Variants in ENPP6 observed in about 807,000 individuals in gnomAD.
ENPP6 encodes glycerophosphocholine cholinephosphodiesterase ENPP6.
ENPP6 carries 32 observed loss-of-function variants against 42.0 expected under a neutral mutation model. The observed-to-expected ratio is 0.76, with a 90% CI of 0.58 to 1.02. The LOEUF (loss-of-function observed/expected upper bound fraction) is 1.02, where lower values mean the gene tolerates loss of function less well. ENPP6 is among the 50% of genes least tolerant of loss of function. The pLI, the probability that ENPP6 is intolerant of heterozygous loss-of-function variation, is 0.00. For missense variants in ENPP6, 552 were observed against 566.8 expected, an observed-to-expected ratio of 0.97 and a Z score of 0.27; for synonymous variants, 213 against 216.0, an observed-to-expected ratio of 0.99 and a Z score of 0.12.
rs1418906829 is a variant in ENPP6 at position 184,210,644 on chromosome 4, T to C, written c.241+6935A>G. ...CTCCCACACATTAATAATGGGAGAC[T>C]TTAACACCCCACTGTCAACATTAGA... On this transcript the variant is annotated intron_variant, in intron 1 of 7. Coordinates refer to ENST00000296741, the MANE Select transcript of ENPP6 (RefSeq NM_153343.4). 7.1e-5 allele frequency among the ~76,000 whole-genome samples: 10 copies of C among 141,626 alleles called. No homozygotes were observed. The South Asian group carries it at 2.2e-3, about 31-fold the overall frequency. 92.9% of individuals were successfully genotyped at this position (141,626 alleles called of 152,430 possible).
chr4:184,131,250 TTCTCTTTC>T (rs1736621800), intron 2 of ENPP6, among the ~76,000 whole-genome samples: 1 of 59,044 alleles, frequency 1.7e-5, no homozygotes, highest in South Asian at 6.0e-4. Flanking sequence ...CTTTCTTTCT[TTCTCTTTC>T]TCTTCCTTCC....
At chr4:184,107,653 C>A (rs879583971) in intron 6 of ENPP6, among the ~76,000 whole-genome samples, 4 of 151,890 alleles carry the variant, frequency 2.6e-5, no homozygotes, top group East Asian at 1.9e-4. Context: ...TGGTGGCTCA[C>A]GCCTGTAATC....
chr4:184,157,435 C>CTTTCCT (rs1472961667), intron 1 of ENPP6, among the ~76,000 whole-genome samples: 21 of 139,416 alleles, frequency 1.5e-4, no homozygotes, highest in Middle Eastern at 3.7e-3. Flanking sequence ...CTTTCCTTTT[C>CTTTCCT]TTTCTTTCTT....
At chr4:184,198,422 C>G (rs775171414) in intron 1 of ENPP6, among the ~76,000 whole-genome samples, 1 of 152,222 alleles carries the variant, frequency 6.6e-6, no homozygotes, top group Non-Finnish European at 1.5e-5. Flanking sequence ...CCTTCCGAGG[C>G]TGTACACTAG....
intron 2 of ENPP6, among the ~76,000 whole-genome samples, chr4:184,130,419 G>T (rs1364098668): frequency 8.3e-6 from 1 of 121,016 alleles, no homozygotes; most frequent in Non-Finnish European, 1.8e-5. Context: ...TTAGCCGGGC[G>T]TGGTGGTGGG....
At chr4:184,187,352 T>A (rs115097236) in intron 1 of ENPP6, among the ~76,000 whole-genome samples, 3,796 of 152,256 alleles carry the variant, frequency 0.025, 155 homozygotes, top group African/African-American at 0.088. Context: ...CTGGGACCAT[T>A]GGTTGACTCT....
chr4:184,118,035 T>A, intron 3 of ENPP6, 135 bp from the exon 4 acceptor site: 1 of 1,120,792 alleles, frequency 8.9e-7, no homozygotes, highest in Non-Finnish European at 1.2e-6. Context: ...GCCAATACCC[T>A]AAAATAAATG....
At chr4:184,168,333 T>C (rs1737393094) in intron 1 of ENPP6, among the ~76,000 whole-genome samples, 2 of 152,196 alleles carry the variant, frequency 1.3e-5, no homozygotes, top group African/African-American at 4.8e-5. Flanking sequence ...AAGGCCACTT[T>C]TAAAAATGGC....
chr4:184,126,372 G>C (rs568652586), intron 2 of ENPP6, among the ~76,000 whole-genome samples: 99 of 152,260 alleles, frequency 6.5e-4, no homozygotes, highest in African/African-American at 2.2e-3. Flanking sequence ...TACAGTACAG[G>C]TAGAGGCAGT....
rs527467964 is a variant in ENPP6, at chr4:184,187,009, G to A, written c.241+30570C>T. Among the ~76,000 whole-genome samples the A allele has an allele frequency of 1.6e-4, 25 of 152,278 alleles. No homozygotes were observed. In the South Asian group the frequency reaches 4.4e-3, roughly 27 times the overall value. On this transcript the variant is annotated intron_variant, in intron 1 of 7. Transcript: ENST00000296741. ...CATTCAGGTTCTTCAAGAAGCAGAC[G>A]CCAAGACAAGGTTAAACATAAGAGA...
rs1317246817 is a variant in ENPP6 at position 184,131,220 on chromosome 4, T to TTC, written c.422-6950_422-6949dup. 2.2e-4 allele frequency among the ~76,000 whole-genome samples: 20 copies of TTC among 89,572 alleles called. 1 individual carries two copies. The highest frequency in any genetic ancestry group is 3.5e-4 in the African/African-American group (8 of 23,040). 58.8% of individuals were successfully genotyped at this position (89,572 alleles called of 152,430 possible). A position where few individuals can be genotyped will look rare whatever the true frequency, so the allele number is the denominator to read the frequency against. On this transcript the variant is annotated intron_variant, in intron 2 of 7. Transcript: ENST00000296741. The stretch of plus-strand genomic sequence containing the variant: ...TTCTTTCTTCTTTCTTTCTTTCTTT[T>TTC]TCTTTCTTTCTTTCCTTTTCTTTCT...
intron 2 of ENPP6, among the ~76,000 whole-genome samples, chr4:184,128,250 G>A (rs1016434260): frequency 3.3e-5 from 5 of 152,106 alleles, no homozygotes; most frequent in Non-Finnish European, 5.9e-5. Flanking sequence ...GCACGATCTC[G>A]GGTCACTGCA....
intron 1 of ENPP6, among the ~76,000 whole-genome samples, chr4:184,177,659 G>A (rs1732458427): frequency 6.6e-6 from 1 of 152,202 alleles, no homozygotes; most frequent in Non-Finnish European, 1.5e-5. Context: ...CCAGAGGAAG[G>A]AGCAGGCAGT....
chr4:184,150,355 C>A (rs17486724), intron 2 of ENPP6, among the ~76,000 whole-genome samples: 1 of 152,074 alleles, frequency 6.6e-6, no homozygotes, highest in African/African-American at 2.4e-5. Flanking sequence ...CGAAACTCAG[C>A]GTGTCATAAC....
At chr4:184,158,537 T>C (rs1272038791) in intron 1 of ENPP6, among the ~76,000 whole-genome samples, 1 of 152,250 alleles carries the variant, frequency 6.6e-6, no homozygotes, top group Non-Finnish European at 1.5e-5. Flanking sequence ...GAGTATTTTA[T>C]AATTTACAGT....
intron 1 of ENPP6, among the ~76,000 whole-genome samples, chr4:184,187,870 GAC>G (rs568377587): frequency 2.0e-5 from 3 of 152,292 alleles, no homozygotes; most frequent in African/African-American, 7.2e-5. Flanking sequence ...TGAATGAATA[GAC>G]ACCTATTATT....
intron 7 of ENPP6, among the ~76,000 whole-genome samples, chr4:184,096,962 A>G (rs189162426): frequency 1.1e-3 from 174 of 152,346 alleles, no homozygotes; most frequent in African/African-American, 4.1e-3. Context: ...TTGATGAATT[A>G]GGTAAAAAAT....
intron 1 of ENPP6, among the ~76,000 whole-genome samples, chr4:184,159,558 C>A (rs1206676525): frequency 6.6e-6 from 1 of 152,360 alleles, no homozygotes; most frequent in East Asian, 1.9e-4. Context: ...ACAGTAGCTA[C>A]AATTAGGGTT....
At chr4:184,177,089 G>A (rs1170635871) in intron 1 of ENPP6, among the ~76,000 whole-genome samples, 1 of 152,164 alleles carries the variant, frequency 6.6e-6, no homozygotes. Context: ...GTGGCCACTC[G>A]GCTGGAGACA....
Sources: allele counts gnomAD v4.1 joint callset (sites outside exome capture counted in the v4.1 genomes callset), GRCh38; gene constraint gnomAD v4.1.1; transcripts MANE v1.5; gene names NCBI Gene and HGNC (gene_info 2026-07-23, HGNC 2026-07-21).